Variants in SELENOF observed in about 807,000 individuals in gnomAD.
SELENOF encodes selenoprotein F, also known as 15 kDa selenoprotein.
Under a neutral mutation model 20.5 loss-of-function variants are expected in SELENOF, and 16 were observed. The ratio of observed to expected loss-of-function variants is 0.78; its 90% CI spans 0.53 to 1.19. The LOEUF (loss-of-function observed/expected upper bound fraction) is 1.19, where lower values mean the gene tolerates loss of function less well. Among genes scored for constraint, SELENOF ranks in the 50% most tolerant of loss-of-function variants. SELENOF has a pLI of 0.00. For synonymous variants in SELENOF, 78 were observed against 74.5 expected (o/e 1.05, Z -0.24); for missense variants, 215 against 194.2 (o/e 1.11, Z -0.64).
chr1:86,893,874 G>A (rs890119471), intron 2 of SELENOF, among the ~76,000 whole-genome samples: 1 of 152,132 alleles, frequency 6.6e-6, no homozygotes, highest in Non-Finnish European at 1.5e-5. Context: ...AGTGGGAAGT[G>A]GAGGGCATCC....
chr1:86,869,898 C>T (rs1229232896), intron 3 of SELENOF, among the ~76,000 whole-genome samples: 1 of 151,984 alleles, frequency 6.6e-6, no homozygotes, highest in Non-Finnish European at 1.5e-5. Context: ...CCTCAGCCTC[C>T]CAAGCAGCAG....
chr1:86,900,434 G>A (rs1333302039), intron 2 of SELENOF, among the ~76,000 whole-genome samples: 2 of 152,186 alleles, frequency 1.3e-5, no homozygotes, highest in Non-Finnish European at 2.9e-5. Context: ...AAAAAAATAC[G>A]AAAACCAGTC....
intron 4 of SELENOF, among the ~76,000 whole-genome samples, chr1:86,864,083 TTGAA>T (rs1398872156): frequency 6.6e-6 from 1 of 152,228 alleles, no homozygotes; most frequent in Admixed American, 6.5e-5. Flanking sequence ...GAACTTAAAA[TTGAA>T]TGGAGGCAGA....
At chr1:86,904,949 T>C (rs1659793984) in intron 1 of SELENOF, among the ~76,000 whole-genome samples, 1 of 152,218 alleles carries the variant, frequency 6.6e-6, no homozygotes, top group Non-Finnish European at 1.5e-5. Context: ...TTGAAAACTC[T>C]CAAGTATTTT....
chr1:86,871,028 C>T (rs771774341), intron 3 of SELENOF, among the ~76,000 whole-genome samples: 8 of 152,132 alleles, frequency 5.3e-5, no homozygotes, highest in Non-Finnish European at 8.8e-5. Context: ...CCTTTTCTCT[C>T]TCTGCTAAAC....
chr1:86,897,583 C>T (rs1258447805), intron 2 of SELENOF, among the ~76,000 whole-genome samples: 1 of 152,114 alleles, frequency 6.6e-6, no homozygotes, highest in South Asian at 2.1e-4. Flanking sequence ...TAGTACCTAG[C>T]TCTGCTCTTT....
At chr1:86,865,556 C>G (rs1658570027) in intron 4 of SELENOF, among the ~76,000 whole-genome samples, 1 of 152,094 alleles carries the variant, frequency 6.6e-6, no homozygotes, top group African/African-American at 2.4e-5. Flanking sequence ...AAATGCAAAT[C>G]AAAGCCACAG....
intron 3 of SELENOF, among the ~76,000 whole-genome samples, chr1:86,877,399 T>A (rs1025624360): frequency 6.6e-6 from 1 of 152,220 alleles, no homozygotes; most frequent in Non-Finnish European, 1.5e-5. Context: ...TCAATCATAG[T>A]TGGCATGAGC....
At chr1:86,888,370 G>C (rs956044910) in intron 2 of SELENOF, among the ~76,000 whole-genome samples, 17 of 152,004 alleles carry the variant, frequency 1.1e-4, no homozygotes, top group Middle Eastern at 3.4e-3. Flanking sequence ...AAGTATTTTA[G>C]AAAATGGAAA....
At chr1:86,873,908 C>A (rs1354493806) in intron 3 of SELENOF, among the ~76,000 whole-genome samples, 1 of 151,924 alleles carries the variant, frequency 6.6e-6, no homozygotes, top group African/African-American at 2.4e-5. Flanking sequence ...GTTGGTCACT[C>A]CAGGTCTAAA....
At chr1:86,878,638 C>T (rs562357967) in intron 3 of SELENOF, among the ~76,000 whole-genome samples, 15 of 152,016 alleles carry the variant, frequency 9.9e-5, no homozygotes, top group Non-Finnish European at 2.1e-4. Flanking sequence ...GCTGAAATTG[C>T]GCCACTGCAC....
At chr1:86,903,500 G>A (rs180722444) in intron 1 of SELENOF, 52 bp from the exon 2 acceptor site, 1,433 of 1,404,852 alleles carry the variant, frequency 1.0e-3, no homozygotes, top group Non-Finnish European at 1.3e-3. Flanking sequence ...ATACTACAAA[G>A]CTTTCCAAAA....
At chr1:86,887,342 G>A (rs983491423) in intron 2 of SELENOF, 2 of 914,236 alleles carry the variant, frequency 2.2e-6, no homozygotes, top group African/African-American at 1.7e-5. Flanking sequence ...AAAGCAATGA[G>A]TTTATGCCTA....
chr1:86,875,065 C>T (rs1164081192), intron 3 of SELENOF, among the ~76,000 whole-genome samples: 2 of 152,120 alleles, frequency 1.3e-5, no homozygotes, highest in African/African-American at 2.4e-5. Flanking sequence ...GAAACTCCAT[C>T]TCTACCAAAA....
intron 2 of SELENOF, among the ~76,000 whole-genome samples, chr1:86,885,777 T>C (rs1445698691): frequency 4.6e-5 from 7 of 152,214 alleles, no homozygotes; most frequent in Admixed American, 4.6e-4. Flanking sequence ...GTTCTGGCTC[T>C]GCCACTTACA....
intron 3 of SELENOF, among the ~76,000 whole-genome samples, chr1:86,869,896 T>C (rs1658714432): frequency 6.6e-6 from 1 of 152,008 alleles, no homozygotes; most frequent in Non-Finnish European, 1.5e-5. Context: ...TGCCTCAGCC[T>C]CCCAAGCAGC....
chr1:86,867,451 C>T (rs1658629686), intron 4 of SELENOF, among the ~76,000 whole-genome samples: 1 of 151,810 alleles, frequency 6.6e-6, no homozygotes, highest in Admixed American at 6.6e-5. Flanking sequence ...AAGATGGTGC[C>T]ACTGCACTCC....
chr1:86,883,825 G>A (rs1659141351), intron 2 of SELENOF, among the ~76,000 whole-genome samples: 1 of 152,110 alleles, frequency 6.6e-6, no homozygotes, highest in South Asian at 2.1e-4. Context: ...TGTCTCAAGG[G>A]CTCAAGGACT....
intron 2 of SELENOF, among the ~76,000 whole-genome samples, chr1:86,892,363 TAATTAG>T (rs2102106859): frequency 6.6e-6 from 1 of 152,364 alleles, no homozygotes; most frequent in East Asian, 1.9e-4. Context: ...TTTTATATTA[TAATTAG>T]AATATGTTAA....
Sources: allele counts gnomAD v4.1 joint callset (sites outside exome capture counted in the v4.1 genomes callset), GRCh38; gene constraint gnomAD v4.1.1; transcripts MANE v1.5; gene names NCBI Gene and HGNC (gene_info 2026-07-23, HGNC 2026-07-21).